Variants in PUM3 observed in about 807,000 individuals in gnomAD.
The protein encoded by PUM3 is pumilio RNA binding family member 3.
In PUM3, 91 loss-of-function variants were observed where a neutral mutation model predicts 84.0. The observed-to-expected ratio is 1.08, with a 90% CI of 0.91 to 1.29. The LOEUF is 1.29. Ranked by LOEUF, PUM3 falls within the 50% of genes most tolerant of loss-of-function variation. The pLI is 0.00. For synonymous variants in PUM3, 321 were observed against 266.7 expected, an observed-to-expected ratio of 1.20 and a Z score of -1.98; for missense variants, 1,067 against 767.5, an observed-to-expected ratio of 1.39 and a Z score of -4.61.
At chr9:2,839,067 C>T (rs956769833) in intron 1 of PUM3, among the ~76,000 whole-genome samples, 4 of 152,152 alleles carry the variant, frequency 2.6e-5, no homozygotes, top group South Asian at 2.1e-4. Context: ...TTGTTTTAGA[C>T]GCAGCCAAGC....
At position 2,811,290 on chromosome 9, in the gene PUM3, C is replaced by T. The variant is rs1178434525; in HGVS notation, c.1635+71G>A. 10 of 1,313,836 alleles carry T rather than the reference C, an allele frequency of 7.6e-6. No homozygotes were observed. In the Admixed American group the frequency reaches 1.2e-4, roughly 16 times the overall value. The allele number at this position is 1,313,836 out of a possible 1,614,324, so 81.4% of individuals were successfully genotyped here. On this transcript the variant is annotated intron_variant, in intron 15 of 17. Coordinates refer to ENST00000397885, the MANE Select transcript of PUM3 (RefSeq NM_014878.5). ...CCCTCCCCAGCTTTCTTACTGACAC[C>T]CCACATCGTCCAAAAACGAAGTTTT...
intron 3 of PUM3, among the ~76,000 whole-genome samples, chr9:2,834,802 CACAA>C (rs1407071012): frequency 1.3e-5 from 2 of 149,572 alleles, no homozygotes; most frequent in East Asian, 4.0e-4. Flanking sequence ...CCAAGTTCGC[CACAA>C]ACAGAGTGAT....
Position 2,834,188 on chromosome 9 carries a change from T to C in PUM3, c.305-22A>G, listed in dbSNP as rs373651078. 1.3e-5 allele frequency: 21 copies of C among 1,597,716 alleles called. No homozygotes were observed. In the East Asian group the frequency reaches 2.0e-4, roughly 15 times the overall value. ...GATTCTAGTTATTATAGAAATTATT[T>C]TCAATTACATTTAACATTCTAAGTG... On this transcript the variant is annotated intron_variant, in intron 3 of 17. Coordinates refer to ENST00000397885, the MANE Select transcript of PUM3 (RefSeq NM_014878.5).
intron 13 of PUM3, 25 bp downstream of exon 13, chr9:2,819,993 A>G (rs1254841384): frequency 6.7e-7 from 1 of 1,496,688 alleles, no homozygotes; most frequent in South Asian, 1.1e-5. Flanking sequence ...TGTAACTTAA[A>G]TTCAAGACCA....
rs374175119 is a variant in PUM3 at position 2,831,105 on chromosome 9, C to T, written c.611-77G>A. Reference sequence around the variant, plus strand: ...GGAAACAAAGGGAGGAAATTTGTCCCAGGCAAGGAAAAAATAAAAACAAAA... The same window carrying T: ...GGAAACAAAGGGAGGAAATTTGTCCTAGGCAAGGAAAAAATAAAAACAAAA... On this transcript the variant is annotated intron_variant, in intron 6 of 17. Transcript: ENST00000397885. The T allele has an allele frequency of 9.1e-6, 9 of 986,906 alleles. No individual in the cohort carries two copies. The African/African-American group carries it at 1.2e-4, about 13-fold the overall frequency. 61.1% of individuals were successfully genotyped at this position (986,906 alleles called of 1,614,324 possible).
At chr9:2,820,689 T>C (rs1040201880) in intron 12 of PUM3, among the ~76,000 whole-genome samples, 2 of 152,090 alleles carry the variant, frequency 1.3e-5, no homozygotes, top group Non-Finnish European at 2.9e-5. Flanking sequence ...AATTAGAATA[T>C]AAATATGAAA....
intron 16 of PUM3, among the ~76,000 whole-genome samples, chr9:2,809,797 G>C (rs543519809): frequency 6.6e-6 from 1 of 152,192 alleles, no homozygotes; most frequent in African/African-American, 2.4e-5. Flanking sequence ...CTACAGAGCA[G>C]CTGTAAGGCT....
chr9:2,836,481 G>C (rs539275361), intron 3 of PUM3, among the ~76,000 whole-genome samples: 1 of 152,280 alleles, frequency 6.6e-6, no homozygotes, highest in Non-Finnish European at 1.5e-5. Flanking sequence ...ACTGAACATC[G>C]TTGACAGAGA....
intron 6 of PUM3, 109 bp from the exon 7 acceptor site, chr9:2,831,137 CT>C (rs1183991374): frequency 1.9e-5 from 19 of 981,630 alleles, no homozygotes; most frequent in Non-Finnish European, 2.8e-5. Context: ...AAAAAAGGAT[CT>C]GGAGAAGACA....
intron 12 of PUM3, among the ~76,000 whole-genome samples, chr9:2,821,316 C>T (rs536727935): frequency 4.0e-5 from 6 of 151,644 alleles, no homozygotes; most frequent in East Asian, 1.9e-4. Context: ...TGGTGGTGGG[C>T]GCCTGTAGTC....
At chr9:2,822,769 A>G (rs988448156) in intron 12 of PUM3, among the ~76,000 whole-genome samples, 1 of 148,592 alleles carries the variant, frequency 6.7e-6, no homozygotes, top group African/African-American at 2.4e-5. Context: ...ATTATAATTC[A>G]TATTATAATT....
chr9:2,804,956 C>T (rs1005514295), intron 17 of PUM3, among the ~76,000 whole-genome samples: 1 of 152,222 alleles, frequency 6.6e-6, no homozygotes, highest in Non-Finnish European at 1.5e-5. Flanking sequence ...GGTCTTCTCA[C>T]TGAACTCCAC....
Position 2,813,952 on chromosome 9 carries a change from C to A in PUM3, c.1270-1590G>T, listed in dbSNP as rs551467594. On this transcript the variant is annotated intron_variant, in intron 13 of 17. Coordinates refer to ENST00000397885, the MANE Select transcript of PUM3 (RefSeq NM_014878.5). ...ACCACTATGTCCTGTTTCTACCAGT[C>A]CAATCCCCATTATGCTCTCCTAACT... is the stretch of plus-strand genomic sequence containing the variant. Among the ~76,000 whole-genome samples the A allele has an allele frequency of 6.2e-5, 9 of 144,318 alleles. No individual in the cohort carries two copies. The South Asian group carries it at 1.6e-3, about 25-fold the overall frequency. 94.7% of individuals were successfully genotyped at this position (144,318 alleles called of 152,430 possible). A position where few individuals can be genotyped will look rare whatever the true frequency, so the allele number is the denominator to read the frequency against.
chr9:2,807,847 G>C lies in PUM3; in HGVS notation c.1781C>G (p.Ala594Gly), dbSNP rs1201954994. 1 of 1,613,478 alleles carries C rather than the reference G, an allele frequency of 6.2e-7. No individual in the cohort carries two copies. Among genetic ancestry groups the C allele is most frequent in the African/African-American group, 1.3e-5 (1 of 75,010 alleles). The change falls in exon 17 of 18, where the codon GCT becomes GGT. Residue 594 changes from alanine (A) to glycine (G), a missense_variant. Ala to Gly is a moderately conservative substitution (Grantham distance 60). Coordinates refer to ENST00000397885, the MANE Select transcript of PUM3 (RefSeq NM_014878.5). ...HVGMKNLKSW[A>G]SVNRGAIILS... The stretch of plus-strand genomic sequence containing the variant: ...AATAATGGCACCTCGATTTACACTA[G>C]CCCAGGACTTCAGGTTCTTCATACC...
chr9:2,809,878 G>C (rs559338657), intron 16 of PUM3, among the ~76,000 whole-genome samples: 2 of 152,252 alleles, frequency 1.3e-5, no homozygotes, highest in Non-Finnish European at 2.9e-5. Flanking sequence ...CAAATAAACA[G>C]GCACTAGTCC....
Position 2,811,291 on chromosome 9 carries a change from C to G in PUM3, c.1635+70G>C. On this transcript the variant is annotated intron_variant, in intron 15 of 17. Transcript: ENST00000397885. ...CCTCCCCAGCTTTCTTACTGACACC[C>G]CACATCGTCCAAAAACGAAGTTTTT... 9.0e-6 allele frequency: 12 copies of G among 1,333,912 alleles called. No homozygotes were observed. The South Asian group carries it at 1.5e-4, about 16-fold the overall frequency. The allele number at this position is 1,333,912 out of a possible 1,614,324, so 82.6% of individuals were successfully genotyped here.
At chr9:2,838,095 T>C (rs770215393) in intron 2 of PUM3, among the ~76,000 whole-genome samples, 2 of 152,162 alleles carry the variant, frequency 1.3e-5, no homozygotes, top group Non-Finnish European at 2.9e-5. Context: ...AACCTAAACG[T>C]ATTTGGCTTA....
At chr9:2,826,530 G>A (rs1037802257) in intron 10 of PUM3, among the ~76,000 whole-genome samples, 23 of 152,180 alleles carry the variant, frequency 1.5e-4, no homozygotes, top group African/African-American at 5.5e-4. Flanking sequence ...AATGGACAAT[G>A]AGCTCACTGT....
rs1821223044 is a variant in PUM3 at position 2,804,523 on chromosome 9, T to G, written c.1815-60A>C. Reference sequence around the variant, plus strand: ...TTCCTAGATCATCTCCAATACTACCTGTACCAACAGTAAAAAAGACTTTGT... The same window carrying G: ...TTCCTAGATCATCTCCAATACTACCGGTACCAACAGTAAAAAAGACTTTGT... On this transcript the variant is annotated intron_variant, in intron 17 of 17. Transcript: ENST00000397885. 6 of 1,499,730 alleles carry G rather than the reference T, an allele frequency of 4.0e-6. No individual in the cohort carries two copies. In the Admixed American group the frequency reaches 1.0e-4, roughly 25 times the overall value. The allele number at this position is 1,499,730 out of a possible 1,614,324, so 92.9% of individuals were successfully genotyped here.
Sources: allele counts gnomAD v4.1 joint callset (sites outside exome capture counted in the v4.1 genomes callset), GRCh38; gene constraint gnomAD v4.1.1; transcripts MANE v1.5; gene names NCBI Gene and HGNC (gene_info 2026-07-23, HGNC 2026-07-21).